SNX33: variants seen among roughly 807,000 people sequenced by gnomAD.
SNX33 encodes the protein sorting nexin-33.
In SNX33, 19 loss-of-function variants were observed where a neutral mutation model predicts 38.8. That is an observed-to-expected ratio of 0.49 (90% CI 0.34 to 0.72). The LOEUF (loss-of-function observed/expected upper bound fraction) is 0.72, where lower values mean the gene tolerates loss of function less well. Ranked by LOEUF, SNX33 falls within the 30% of genes least tolerant of loss-of-function variation. SNX33 has a pLI of 0.01. For synonymous variants in SNX33, 246 were observed against 289.7 expected (o/e 0.85, Z 1.53); for missense variants, 641 against 776.4 (o/e 0.83, Z 2.07).
Position 75,649,494 on chromosome 15 carries a change from G to C in SNX33, c.392G>C (p.Arg131Pro). The C allele has an allele frequency of 6.4e-7, 1 of 1,555,000 alleles. No homozygotes were observed. The highest frequency in any genetic ancestry group is 8.7e-7 in the Non-Finnish European group (1 of 1,147,378). ...DDGCTVVEEP[R>P]AGGLGTNGHP... ...GGATGCACAGTGGTGGAGGAGCCAC[G>C]GGCTGGTGGGCTGGGCACCAACGGG... The change falls in exon 1 of 2, where the codon CGG (arginine) becomes CCG (proline). Residue 131 changes from arginine (R) to proline (P), a missense_variant. Around this residue, in one of 2 missense-constraint regions of SNX33, gnomAD observed 243 missense variants for 233.9 expected, o/e 1.04. Transcript: ENST00000308527. This position sits in a 1 kb window ranked among gnomAD's most constrained non-coding sequence, Gnocchi z 6.6.
At chr15:75,655,241 G>T (rs1893639567) in intron 1 of SNX33, among the ~76,000 whole-genome samples, 1 of 152,258 alleles carries the variant, frequency 6.6e-6, no homozygotes, top group African/African-American at 2.4e-5. Context: ...CTGCCCCTCA[G>T]GGCCTTGGCC....
At chr15:75,653,467 C>A (rs965093893) in intron 1 of SNX33, among the ~76,000 whole-genome samples, 3 of 152,172 alleles carry the variant, frequency 2.0e-5, no homozygotes, top group Non-Finnish European at 4.4e-5. Context: ...GTCAGGAGGG[C>A]GATGTGGTCA....
Position 75,647,947 on chromosome 15 carries a change from A to G in SNX33, c.-1156A>G, listed in dbSNP as rs1893517375. 13 of 984,842 alleles carry G rather than the reference A, an allele frequency of 1.3e-5. 1 individual carries two copies. In the South Asian group the frequency reaches 5.2e-4, roughly 39 times the overall value. 61.0% of individuals were successfully genotyped at this position (984,842 alleles called of 1,614,324 possible). A position where few individuals can be genotyped will look rare whatever the true frequency, so the allele number is the denominator to read the frequency against. On this transcript the variant is annotated 5_prime_UTR_variant, in exon 1 of 2. Coordinates refer to ENST00000308527, the MANE Select transcript of SNX33 (RefSeq NM_153271.2). Reference sequence around the variant, plus strand: ...TTTGGAGCTGCCTTCTCGCTGGCGGAGCGGAGGGTCTGCGAGCGCCGGGGA... The same window carrying G: ...TTTGGAGCTGCCTTCTCGCTGGCGGGGCGGAGGGTCTGCGAGCGCCGGGGA...
Position 75,657,411 on chromosome 15 carries a change from T to A in SNX33, c.*196T>A. The A allele has an allele frequency of 1.1e-6, 1 of 876,276 alleles. No homozygotes were observed. Among genetic ancestry groups the A allele is most frequent in the Non-Finnish European group, 1.7e-6 (1 of 584,246 alleles). The allele number at this position is 876,276 out of a possible 1,614,324, so 54.3% of individuals were successfully genotyped here. On this transcript the variant is annotated 3_prime_UTR_variant, in exon 2 of 2. Transcript: ENST00000308527. This position sits in a 1 kb window ranked among gnomAD's most constrained non-coding sequence, Gnocchi z 5.5. ...TGGGAAATTCCCCACTCCTTAGAAG[T>A]GGGGCACAGCAGGGGTGAGAATAGA... is the stretch of plus-strand genomic sequence containing the variant.
Position 75,650,632 on chromosome 15 carries a change from G to A in SNX33, c.1471+59G>A, listed in dbSNP as rs1023563362. 11 of 1,514,830 alleles carry A rather than the reference G, an allele frequency of 7.3e-6. No homozygotes were observed. Among genetic ancestry groups the A allele is most frequent in the Non-Finnish European group, 9.7e-6 (11 of 1,130,978 alleles). 93.8% of individuals were successfully genotyped at this position (1,514,830 alleles called of 1,614,324 possible). On this transcript the variant is annotated intron_variant, in intron 1 of 1. Transcript: ENST00000308527. The surrounding 1 kb of genome is among the most constrained non-coding windows in gnomAD (Gnocchi z 6.1). ...AGTCTGGCTCTCTGCTGGGCCCTGG[G>A]GAGATGGGGATGGCCTGGATAGAAT...
At chr15:75,652,678 G>A (rs1189968594) in intron 1 of SNX33, among the ~76,000 whole-genome samples, 1 of 152,202 alleles carries the variant, frequency 6.6e-6, no homozygotes, top group East Asian at 1.9e-4. Context: ...ACAGAGGCCA[G>A]CCCACTGCCT....
At chr15:75,654,474 G>A (rs1032217984) in intron 1 of SNX33, among the ~76,000 whole-genome samples, 1 of 152,196 alleles carries the variant, frequency 6.6e-6, no homozygotes, top group Non-Finnish European at 1.5e-5. Context: ...CAAGAGGCAG[G>A]GGCAAGATGG....
chr15:75,652,040 T>C (rs992660566), intron 1 of SNX33, among the ~76,000 whole-genome samples: 3 of 151,052 alleles, frequency 2.0e-5, no homozygotes, highest in Non-Finnish European at 4.4e-5. Context: ...TCTACCTTTC[T>C]TCCTCCTCCT....
chr15:75,649,560 G>T lies in SNX33; in HGVS notation c.458G>T (p.Ser153Ile), dbSNP rs758382809. 1.9e-6 allele frequency: 3 copies of T among 1,613,444 alleles called. No individual in the cohort carries two copies. In the African/African-American group the frequency reaches 4.0e-5, roughly 22 times the overall value. Residue 153 changes from serine to isoleucine, a missense_variant, in exon 1 of 2, where the codon AGC (serine) becomes ATC (isoleucine). Ser to Ile is a moderately radical substitution (Grantham distance 142, BLOSUM62 -2). Transcript: ENST00000308527. The surrounding 1 kb of genome is among the most constrained non-coding windows in gnomAD (Gnocchi z 6.6). ...CTCTCCTACCCTGGTGCCTACCCCAGCCAGCACATGGCCTTCCGGCCCAAG... is the reference window on the plus strand; with the variant it reads ...CTCTCCTACCCTGGTGCCTACCCCATCCAGCACATGGCCTTCCGGCCCAAG... ...LNLSYPGAYPSQHMAFRPKPP... is the reference protein window; with the variant it reads ...LNLSYPGAYPIQHMAFRPKPP...
Position 75,657,161 on chromosome 15 carries a change from C to T in SNX33, c.1671C>T (p.Tyr557=). 6.2e-7 allele frequency: 1 copy of T among 1,614,150 alleles called. No homozygotes were observed. Among genetic ancestry groups the T allele is most frequent in the Admixed American group, 1.7e-5 (1 of 60,030 alleles). The change falls in exon 2 of 2, where the codon TAC becomes TAT. Residue 557 remains tyrosine (Y), a synonymous_variant. Coordinates refer to ENST00000308527, the MANE Select transcript of SNX33 (RefSeq NM_153271.2). The surrounding 1 kb of genome is among the most constrained non-coding windows in gnomAD (Gnocchi z 5.5). ...QNYLRQQILF[Y]QRVGQQLEKT... Reference sequence around the variant, plus strand: ...ACTTGCGCCAGCAGATCCTCTTCTACCAGCGGGTGGGCCAGCAGCTGGAGA... The same window carrying T: ...ACTTGCGCCAGCAGATCCTCTTCTATCAGCGGGTGGGCCAGCAGCTGGAGA...
At chr15:75,653,885 A>G (rs998720457) in intron 1 of SNX33, among the ~76,000 whole-genome samples, 3 of 152,102 alleles carry the variant, frequency 2.0e-5, no homozygotes, top group Non-Finnish European at 4.4e-5. Context: ...GGATCACAGG[A>G]GTTCGACACC....
In SNX33 at chr15:75,650,335, C is replaced by T; in HGVS notation, c.1233C>T (p.Arg411=). The change falls in exon 1 of 2, where the codon CGC becomes CGT. Residue 411 remains arginine, a synonymous_variant. Transcript: ENST00000308527. This position sits in a 1 kb window ranked among gnomAD's most constrained non-coding sequence, Gnocchi z 6.1. ...ELVRKHVGGF[R]KEFQKLGSAF... ...TGCGTAAACATGTGGGGGGCTTCCG[C>T]AAGGAATTCCAGAAGCTGGGCAGTG... 1 of 1,600,338 alleles carries T rather than the reference C, an allele frequency of 6.2e-7. No homozygotes were observed. The highest frequency in any genetic ancestry group is 8.5e-7 in the Non-Finnish European group (1 of 1,172,042).
intron 1 of SNX33, among the ~76,000 whole-genome samples, chr15:75,654,111 A>G (rs925948047): frequency 5.3e-5 from 8 of 151,890 alleles, no homozygotes; most frequent in African/African-American, 9.7e-5. Context: ...AAAAAAAAAA[A>G]AAAAGAAAAG....
Position 75,648,921 on chromosome 15 carries a change from T to C in SNX33, c.-182T>C. The C allele has an allele frequency of 1.5e-6, 1 of 673,378 alleles. No individual in the cohort carries two copies. Among genetic ancestry groups the C allele is most frequent in the Non-Finnish European group, 2.3e-6 (1 of 436,412 alleles). 41.7% of individuals were successfully genotyped at this position (673,378 alleles called of 1,614,324 possible). A position where few individuals can be genotyped will look rare whatever the true frequency, so the allele number is the denominator to read the frequency against. ...TAGGGCAGTTTCTGGGCCATGGACATTGCTTTGAAGAGGGGGAGACTGGAC... is the reference window on the plus strand; with the variant it reads ...TAGGGCAGTTTCTGGGCCATGGACACTGCTTTGAAGAGGGGGAGACTGGAC... On this transcript the variant is annotated 5_prime_UTR_variant, in exon 1 of 2. Coordinates refer to ENST00000308527, the MANE Select transcript of SNX33 (RefSeq NM_153271.2). This position sits in a 1 kb window ranked among gnomAD's most constrained non-coding sequence, Gnocchi z 4.4.
Position 75,649,631 on chromosome 15 carries a change from A to C in SNX33, c.529A>C (p.Ser177Arg), listed in dbSNP as rs535545886. The change falls in exon 1 of 2, where the codon AGT (serine) becomes CGT (arginine). Residue 177 changes from serine (S) to arginine (R), a missense_variant. Ser to Arg is a moderately radical substitution (Grantham distance 110, BLOSUM62 -1). This residue lies in a region of SNX33 where 243 missense variants were observed against 233.9 expected (regional missense o/e 1.04). Coordinates refer to ENST00000308527, the MANE Select transcript of SNX33 (RefSeq NM_153271.2). This position sits in a 1 kb window ranked among gnomAD's most constrained non-coding sequence, Gnocchi z 6.6. ...CAGCCTGGCATCTGCCAAGCGAGGC[A>C]GTGTGGTGGGCCGTAACCTCAACCG... ...QDSLASAKRG[S>R]VVGRNLNRFS... The C allele has an allele frequency of 2.5e-6, 4 of 1,611,970 alleles. No individual in the cohort carries two copies. The South Asian group carries it at 4.4e-5, about 18-fold the overall frequency.
Position 75,650,808 on chromosome 15 carries a change from C to T in SNX33, c.1471+235C>T, listed in dbSNP as rs1466763942. ...CAGGAGGTTGAGACTACAGTGAGCC[C>T]GATTGTGCCACTGCACTCCAGCCTG... On this transcript the variant is annotated intron_variant, in intron 1 of 1. Coordinates refer to ENST00000308527, the MANE Select transcript of SNX33 (RefSeq NM_153271.2). This position sits in a 1 kb window ranked among gnomAD's most constrained non-coding sequence, Gnocchi z 6.1. Among the ~76,000 whole-genome samples, 1 of 152,062 alleles carries T rather than the reference C, an allele frequency of 6.6e-6. No individual in the cohort carries two copies. The highest frequency in any genetic ancestry group is 2.4e-5 in the African/African-American group (1 of 41,382).
rs929815937 is a variant in SNX33 at position 75,648,316 on chromosome 15, G to C, written c.-787G>C. 3.0e-6 allele frequency: 3 copies of C among 985,270 alleles called. No homozygotes were observed. Among genetic ancestry groups the C allele is most frequent in the African/African-American group, 3.5e-5 (2 of 57,210 alleles). The allele number at this position is 985,270 out of a possible 1,614,324, so 61.0% of individuals were successfully genotyped here. On this transcript the variant is annotated 5_prime_UTR_variant, in exon 1 of 2. Transcript: ENST00000308527. The surrounding 1 kb of genome is among the most constrained non-coding windows in gnomAD (Gnocchi z 4.4). ...CCTCGTCGCGCCCCCTCCTTCCTCC[G>C]GGGTTGGGGCTGGCCACTTCTGGGG...
rs1893713121 is a variant in SNX33, at chr15:75,660,655, A to C, written c.*3440A>C. Reference sequence around the variant, plus strand: ...AGTGGCTACTTTGTCAGACACAGCCACACCACAGTCCTATGCACATGGTCA... The same window carrying C: ...AGTGGCTACTTTGTCAGACACAGCCCCACCACAGTCCTATGCACATGGTCA... On this transcript the variant is annotated 3_prime_UTR_variant, in exon 2 of 2. Transcript: ENST00000308527. 6.5e-6 allele frequency: 1 copy of C among 152,866 alleles called. No homozygotes were observed. The highest frequency in any genetic ancestry group is 2.1e-4 in the South Asian group (1 of 4,832). 9.5% of individuals were successfully genotyped at this position (152,866 alleles called of 1,614,324 possible). A position where few individuals can be genotyped will look rare whatever the true frequency, so the allele number is the denominator to read the frequency against.
Position 75,657,204 on chromosome 15 carries a change from G to A in SNX33, c.1714G>A (p.Asp572Asn), listed in dbSNP as rs375706718. The change falls in exon 2 of 2, where the codon GAC (aspartate) becomes AAC (asparagine). Residue 572 changes from aspartate (D) to asparagine (N), a missense_variant. Coordinates refer to ENST00000308527, the MANE Select transcript of SNX33 (RefSeq NM_153271.2). This position sits in a 1 kb window ranked among gnomAD's most constrained non-coding sequence, Gnocchi z 5.5. The part of the protein sequence containing the change: ...QQLEKTLRMY[D>N]NL ...GCTGGAGAAGACCCTGCGCATGTAT[G>A]ACAACCTCTGACCGCGTGTGCCTGG... 15 of 1,613,958 alleles carry A rather than the reference G, an allele frequency of 9.3e-6. No homozygotes were observed. The East Asian group carries it at 1.1e-4, about 12-fold the overall frequency.
Sources: gnomAD v4.1 joint callset for allele counts (sites outside exome capture counted in the v4.1 genomes callset) on GRCh38, gnomAD v4.1.1 for gene constraint, gnomAD v4.1.1 regional missense constraint, Gnocchi (gnomAD v3.1) non-coding constraint, MANE v1.5 for transcripts, NCBI Gene and HGNC (gene_info 2026-07-23, HGNC 2026-07-21) for gene names.